ATAD2B: variants seen among roughly 807,000 people sequenced by gnomAD.
ATAD2B encodes ATPase family AAA domain-containing protein 2B.
A neutral mutation model predicts 167.6 loss-of-function variants in ATAD2B; 40 were observed. The ratio of observed to expected loss-of-function variants is 0.24; its 90% CI spans 0.19 to 0.31. The LOEUF is 0.31. Among genes scored for constraint, ATAD2B ranks in the 10% least tolerant of loss-of-function variants. The pLI is 1.00. For synonymous variants in ATAD2B, 579 were observed against 596.5 expected (o/e 0.97, Z 0.43); for missense variants, 1,242 against 1,757.2 (o/e 0.71, Z 5.24).
the ATAD2B span, among the ~76,000 whole-genome samples, chr2:23,694,801 C>A: frequency 6.6e-6 from 1 of 152,200 alleles, no homozygotes; most frequent in East Asian, 1.9e-4. Flanking sequence ...CATCCAGATG[C>A]CATTCCCTCT....
intron 14 of ATAD2B, chr2:23,832,063 C>T (rs577682733): frequency 3.1e-6 from 1 of 325,546 alleles, no homozygotes; most frequent in South Asian, 2.5e-5. Context: ...TGACGACCTA[C>T]ATCATGATAA....
chr2:23,820,640 T>A (rs545680696), intron 16 of ATAD2B, among the ~76,000 whole-genome samples: 2 of 152,158 alleles, frequency 1.3e-5, no homozygotes, highest in Non-Finnish European at 2.9e-5. Flanking sequence ...AGAAATCATA[T>A]CCTTTCAAAA....
intron 18 of ATAD2B, among the ~76,000 whole-genome samples, chr2:23,803,816 C>T (rs1249900675): frequency 6.6e-6 from 1 of 152,150 alleles, no homozygotes; most frequent in Non-Finnish European, 1.5e-5. Flanking sequence ...ATACATACAG[C>T]CCTTTAAAAG....
intron 18 of ATAD2B, among the ~76,000 whole-genome samples, chr2:23,806,500 A>G (rs1558565030): frequency 6.6e-6 from 1 of 152,156 alleles, no homozygotes; most frequent in Non-Finnish European, 1.5e-5. Context: ...CAATTTTGGT[A>G]GGGCGCCCTA....
Position 23,824,976 on chromosome 2 carries a change from G to A in ATAD2B, c.1820-1407C>T, listed in dbSNP as rs114749989. Among the ~76,000 whole-genome samples the A allele has an allele frequency of 7.1e-3, 1,080 of 152,066 alleles. 19 individuals are homozygous for A. Among genetic ancestry groups the A allele is most frequent in the African/African-American group, 0.024 (1,012 of 41,462 alleles). ...TTTATTTTTGGGAGACAGCATTATC[G>A]CTCTGTTGCCCAGGCTGAAGTGCAG... On this transcript the variant is annotated intron_variant, in intron 15 of 27. Coordinates refer to ENST00000238789, the MANE Select transcript of ATAD2B (RefSeq NM_017552.4).
At chr2:23,682,657 C>T in the ATAD2B span, among the ~76,000 whole-genome samples, 1 of 152,146 alleles carries the variant, frequency 6.6e-6, no homozygotes, top group African/African-American at 2.4e-5. This position sits in a 1 kb window ranked among gnomAD's most constrained non-coding sequence, Gnocchi z 4.1. Context: ...TGCACCTGCC[C>T]CCTCGTGCTC....
At chr2:23,892,898 A>G (rs1699734580) in intron 2 of ATAD2B, among the ~76,000 whole-genome samples, 1 of 152,252 alleles carries the variant, frequency 6.6e-6, no homozygotes. Context: ...AAAAAAGTCA[A>G]TAAAATAGCA....
At chr2:23,820,661 A>G (rs1687303129) in intron 16 of ATAD2B, among the ~76,000 whole-genome samples, 1 of 152,248 alleles carries the variant, frequency 6.6e-6, no homozygotes, top group Non-Finnish European at 1.5e-5. Flanking sequence ...TAAAAAATAT[A>G]CAGATGCATT....
intron 1 of ATAD2B, among the ~76,000 whole-genome samples, chr2:23,911,404 A>G (rs1702281602): frequency 6.6e-6 from 1 of 151,144 alleles, no homozygotes; most frequent in Non-Finnish European, 1.5e-5. Flanking sequence ...AAATACAAAA[A>G]ATTAGCCAGG....
intron 1 of ATAD2B, among the ~76,000 whole-genome samples, chr2:23,921,979 G>A (rs1019058563): frequency 3.9e-5 from 6 of 152,086 alleles, no homozygotes; most frequent in African/African-American, 1.4e-4. Context: ...GCAAACGCAT[G>A]AGTGTTAGAA....
chr2:23,798,421 T>TG, intron 18 of ATAD2B, 98 bp from the exon 19 acceptor site: 1 of 927,334 alleles, frequency 1.1e-6, no homozygotes, highest in Non-Finnish European at 1.5e-6. Context: ...AGGCCTATTA[T>TG]GGTCATTAGT....
At chr2:23,856,571 G>A in intron 13 of ATAD2B, 2 of 197,552 alleles carry the variant, frequency 1.0e-5, no homozygotes, top group South Asian at 1.5e-4. Context: ...TAGCATACAT[G>A]ACATCGAGGC....
At chr2:23,814,363 G>A (rs979350986) in intron 17 of ATAD2B, among the ~76,000 whole-genome samples, 3 of 152,094 alleles carry the variant, frequency 2.0e-5, no homozygotes, top group Admixed American at 2.0e-4. Flanking sequence ...ATAACTGAGT[G>A]GTATTTAGTA....
At chr2:23,752,885 A>G (rs1675523446) in intron 27 of ATAD2B, among the ~76,000 whole-genome samples, 1 of 152,078 alleles carries the variant, frequency 6.6e-6, no homozygotes, top group African/African-American at 2.4e-5. Context: ...TCTGTTATCA[A>G]TCCCTTCCCT....
intron 1 of ATAD2B, among the ~76,000 whole-genome samples, chr2:23,903,939 T>TGGTGG (rs1553453543): frequency 4.6e-5 from 7 of 151,866 alleles, no homozygotes; most frequent in Non-Finnish European, 1.0e-4. Flanking sequence ...CCGGTTGTTG[T>TGGTGG]TGGTGGTGGT....
At chr2:23,789,760 A>G (rs1017742633) in intron 19 of ATAD2B, among the ~76,000 whole-genome samples, 5 of 152,190 alleles carry the variant, frequency 3.3e-5, no homozygotes, top group African/African-American at 1.2e-4. Context: ...TTCCATAAAT[A>G]TGATATCATT....
intron 18 of ATAD2B, among the ~76,000 whole-genome samples, chr2:23,807,720 G>A (rs1020528424): frequency 4.0e-5 from 6 of 150,558 alleles, no homozygotes; most frequent in South Asian, 4.2e-4. Flanking sequence ...GGAGGCTGAC[G>A]CAGGAGAATC....
chr2:23,698,471 T>G, the ATAD2B span, among the ~76,000 whole-genome samples: 2 of 152,096 alleles, frequency 1.3e-5, no homozygotes, highest in Non-Finnish European at 2.9e-5. Context: ...AAGGTCAGGG[T>G]AATGGGGACA....
intron 1 of ATAD2B, among the ~76,000 whole-genome samples, chr2:23,922,309 A>C (rs1704052430): frequency 6.6e-6 from 1 of 152,194 alleles, no homozygotes; most frequent in South Asian, 2.1e-4. Context: ...AGGTGGAGCA[A>C]ATAAACGCTA....
Sources: gnomAD v4.1 joint callset for allele counts (sites outside exome capture counted in the v4.1 genomes callset) on GRCh38, gnomAD v4.1.1 for gene constraint, Gnocchi (gnomAD v3.1) non-coding constraint, MANE v1.5 for transcripts, NCBI Gene and HGNC (gene_info 2026-07-23, HGNC 2026-07-21) for gene names.